FRMD4A: variants seen among roughly 807,000 people sequenced by gnomAD.
FRMD4A encodes FERM domain containing 4A, also known as FERM domain-containing protein 4A.
Under a neutral mutation model 129.1 loss-of-function variants are expected in FRMD4A, and 29 were observed. The ratio of observed to expected loss-of-function variants is 0.22; its 90% CI spans 0.17 to 0.31. FRMD4A has a LOEUF of 0.31. FRMD4A is among the 10% of genes least tolerant of loss of function. FRMD4A has a pLI of 1.00. For synonymous variants in FRMD4A, 634 were observed against 571.6 expected (o/e 1.11, Z -1.56); for missense variants, 1,272 against 1,375.8 (o/e 0.92, Z 1.19).
chr10:14,063,966 T>C (rs1834936281), intron 2 of FRMD4A, among the ~76,000 whole-genome samples: 1 of 152,086 alleles, frequency 6.6e-6, no homozygotes, highest in Admixed American at 6.6e-5. Context: ...TACTGAACGG[T>C]TCAAAAGCTT....
chr10:13,713,888 CATATATAATATAT>C (rs1308742783), intron 12 of FRMD4A, among the ~76,000 whole-genome samples: 16 of 101,846 alleles, frequency 1.6e-4, no homozygotes, highest in African/African-American at 2.5e-4. Context: ...AATATATATA[CATATATAATATAT>C]ACATATATGT....
chr10:14,292,367 G>C (rs1181450527), intron 2 of FRMD4A, among the ~76,000 whole-genome samples: 1 of 152,182 alleles, frequency 6.6e-6, no homozygotes, highest in East Asian at 1.9e-4. Flanking sequence ...GTCACAGAAG[G>C]ATATTGAAGA....
Position 13,672,172 on chromosome 10 carries a change from C to T in FRMD4A, c.1252-1644G>A, listed in dbSNP as rs534281526. On this transcript the variant is annotated intron_variant, in intron 16 of 24. Transcript: ENST00000357447. ...CTCCGTCACTCGCCTGCTTCTCCCT[C>T]GCTGTGTTCAGATTGCCGGGAAATG... Among the ~76,000 whole-genome samples the T allele has an allele frequency of 4.8e-4, 73 of 152,342 alleles. No individual in the cohort carries two copies. The East Asian group carries it at 5.2e-3, about 11-fold the overall frequency.
At chr10:14,245,184 T>C (rs968528295) in intron 2 of FRMD4A, among the ~76,000 whole-genome samples, 1 of 152,120 alleles carries the variant, frequency 6.6e-6, no homozygotes, top group Non-Finnish European at 1.5e-5. Flanking sequence ...CATGGACCTT[T>C]CTTAGGCTGC....
At chr10:14,231,412 G>A (rs1308704349) in intron 2 of FRMD4A, among the ~76,000 whole-genome samples, 4 of 150,208 alleles carry the variant, frequency 2.7e-5, no homozygotes, top group Admixed American at 1.3e-4. Flanking sequence ...GCATGACCTC[G>A]GCTCACTGAA....
At chr10:14,248,357 CA>C (rs1253493596) in intron 2 of FRMD4A, among the ~76,000 whole-genome samples, 3 of 152,134 alleles carry the variant, frequency 2.0e-5, no homozygotes, top group Non-Finnish European at 4.4e-5. Flanking sequence ...TATTTAAAAC[CA>C]CATACTATCT....
At chr10:13,958,211 G>A (rs2095421566) in intron 2 of FRMD4A, among the ~76,000 whole-genome samples, 1 of 151,394 alleles carries the variant, frequency 6.6e-6, no homozygotes, top group African/African-American at 2.4e-5. Context: ...CACACCAACT[G>A]GCTTCTAACT....
At chr10:13,993,295 A>G (rs2095610057) in intron 2 of FRMD4A, among the ~76,000 whole-genome samples, 1 of 152,182 alleles carries the variant, frequency 6.6e-6, no homozygotes, top group African/African-American at 2.4e-5. Flanking sequence ...GGTTTAGCCA[A>G]CGTTTCCATC....
chr10:13,834,464 G>A (rs1468759545), intron 3 of FRMD4A, among the ~76,000 whole-genome samples: 1 of 152,164 alleles, frequency 6.6e-6, no homozygotes, highest in African/African-American at 2.4e-5. Flanking sequence ...CTCTTCTCCA[G>A]GAGGGAGAAA....
rs200654043 is a variant in FRMD4A, at chr10:13,848,942, C to T, written c.111+9905G>A. Among the ~76,000 whole-genome samples, 30 of 152,310 alleles carry T rather than the reference C, an allele frequency of 2.0e-4. No individual in the cohort carries two copies. The East Asian group carries it at 3.3e-3, about 17-fold the overall frequency. On this transcript the variant is annotated intron_variant, in intron 3 of 24. Transcript: ENST00000357447. ...TTTATTACAAATAGATTTACCATTGCGTTATCTGTCTGTGCTCTATATCTT... is the reference window on the plus strand; with the variant it reads ...TTTATTACAAATAGATTTACCATTGTGTTATCTGTCTGTGCTCTATATCTT...
At chr10:13,707,963 T>C (rs190769011) in intron 12 of FRMD4A, 1 of 853,126 alleles carries the variant, frequency 1.2e-6, no homozygotes, top group Non-Finnish European at 1.4e-6. Flanking sequence ...CGGGGTTCCT[T>C]TCATTGGATG....
intron 2 of FRMD4A, chr10:14,003,414 G>A (rs985626676): frequency 3.3e-5 from 5 of 152,350 alleles, no homozygotes; most frequent in African/African-American, 9.6e-5. Context: ...CAAGAGAACA[G>A]TGATGTCCAG....
Position 13,660,460 on chromosome 10 carries a change from G to A in FRMD4A, c.1754C>T (p.Pro585Leu). 6.2e-7 allele frequency: 1 copy of A among 1,613,904 alleles called. No individual in the cohort carries two copies. The highest frequency in any genetic ancestry group is 8.5e-7 in the Non-Finnish European group (1 of 1,179,764). Reference protein sequence around the residue: ...RPPSHNRPPPPQSLEGLRQMH... With the variant: ...RPPSHNRPPPLQSLEGLRQMH... ...CTGTCGGAGTCCCTCCAGGGACTGGGGAGGAGGAGGCCTGTTGTGCGACGG... is the reference window on the plus strand; with the variant it reads ...CTGTCGGAGTCCCTCCAGGGACTGGAGAGGAGGAGGCCTGTTGTGCGACGG... The change falls in exon 20 of 25, where the codon CCC (proline) becomes CTC (leucine). Residue 585 changes from proline (P) to leucine (L), a missense_variant. Physicochemically the swap from Pro to Leu is moderately conservative, Grantham distance 98 (BLOSUM62 -3). Coordinates refer to ENST00000357447, the MANE Select transcript of FRMD4A (RefSeq NM_018027.5).
In FRMD4A at chr10:13,646,169, G is replaced by C. The variant is rs1021281213; in HGVS notation, c.*869C>G. The C allele has an allele frequency of 6.6e-6, 1 of 152,616 alleles. No individual in the cohort carries two copies. The highest frequency in any genetic ancestry group is 2.4e-5 in the African/African-American group (1 of 41,438). 9.5% of individuals were successfully genotyped at this position (152,616 alleles called of 1,614,324 possible). A position where few individuals can be genotyped will look rare whatever the true frequency, so the allele number is the denominator to read the frequency against. On this transcript the variant is annotated 3_prime_UTR_variant, in exon 25 of 25. Transcript: ENST00000357447. ...GGCAGTTTTTCAGGCTCTCTACGGA[G>C]AGAGAAGTGGGCCAGTAAGGGAGAG...
chr10:13,792,369 A>G (rs1339052551), intron 5 of FRMD4A, among the ~76,000 whole-genome samples: 1 of 152,122 alleles, frequency 6.6e-6, no homozygotes, highest in Non-Finnish European at 1.5e-5. Flanking sequence ...GCAGGCTGCC[A>G]CACTGAAGGG....
intron 15 of FRMD4A, among the ~76,000 whole-genome samples, chr10:13,678,832 C>T (rs1331238896): frequency 6.6e-6 from 1 of 152,116 alleles, no homozygotes; most frequent in Admixed American, 6.5e-5. Flanking sequence ...TGTTTTGGTA[C>T]ATATAATGTA....
At chr10:13,909,285 A>AT (rs1338231701) in intron 2 of FRMD4A, among the ~76,000 whole-genome samples, 2 of 152,106 alleles carry the variant, frequency 1.3e-5, no homozygotes, top group Non-Finnish European at 2.9e-5. Flanking sequence ...AGTGTGTGAG[A>AT]TTTTCTCTAG....
chr10:14,050,537 G>T (rs969644573), intron 2 of FRMD4A, among the ~76,000 whole-genome samples: 4 of 152,104 alleles, frequency 2.6e-5, no homozygotes, highest in African/African-American at 9.7e-5. Context: ...TGGCTCATAA[G>T]ATCGTTAAGG....
At position 14,106,707 on chromosome 10, in the gene FRMD4A, T is replaced by G. The variant is rs1191815129; in HGVS notation, c.45+223351A>C. ...TCACCACTACCAACACCAAAGTGAC[T>G]GGTAATCATTTCAGATTTTTTTAAA... On this transcript the variant is annotated intron_variant, in intron 2 of 24. Coordinates refer to ENST00000357447, the MANE Select transcript of FRMD4A (RefSeq NM_018027.5). Among the ~76,000 whole-genome samples, 3 of 152,178 alleles carry G rather than the reference T, an allele frequency of 2.0e-5. No homozygotes were observed. In the East Asian group the frequency reaches 5.8e-4, roughly 29 times the overall value.
Sources: gnomAD v4.1 joint callset for allele counts (sites outside exome capture counted in the v4.1 genomes callset) on GRCh38, gnomAD v4.1.1 for gene constraint, MANE v1.5 for transcripts, NCBI Gene and HGNC (gene_info 2026-07-23, HGNC 2026-07-21) for gene names.